AKAP6: variants seen among roughly 807,000 people sequenced by gnomAD.
AKAP6 encodes A-kinase anchor protein 6.
A neutral mutation model predicts 188.5 loss-of-function variants in AKAP6; 58 were observed. That is an observed-to-expected ratio of 0.31 (90% CI 0.25 to 0.38). AKAP6 has a LOEUF of 0.38. AKAP6 is among the 10% of genes least tolerant of loss of function. The pLI, the probability that AKAP6 is intolerant of heterozygous loss-of-function variation, is 1.00. For synonymous variants in AKAP6, 989 were observed against 998.6 expected, an observed-to-expected ratio of 0.99 and a Z score of 0.18; for missense variants, 2,710 against 2,740.0, an observed-to-expected ratio of 0.99 and a Z score of 0.24.
At chr14:32,548,107 T>C (rs913948219) in intron 4 of AKAP6, among the ~76,000 whole-genome samples, 2 of 110,662 alleles carry the variant, frequency 1.8e-5, no homozygotes, top group South Asian at 6.0e-4. Flanking sequence ...TTTTTTTTTT[T>C]TTTTTTTCCT....
rs2031248597 is a variant in AKAP6 at position 32,732,886 on chromosome 14, A to G, written c.3147+286A>G. 3 of 587,600 alleles carry G rather than the reference A, an allele frequency of 5.1e-6. No individual in the cohort carries two copies. In the African/African-American group the frequency reaches 5.6e-5, roughly 11 times the overall value. 36.4% of individuals were successfully genotyped at this position (587,600 alleles called of 1,614,324 possible). A position where few individuals can be genotyped will look rare whatever the true frequency, so the allele number is the denominator to read the frequency against. ...TGTATTATGGGTATGCACCAAGTCA[A>G]CTATAATACAGTATATCTGATATAT... On this transcript the variant is annotated intron_variant, in intron 10 of 13. Coordinates refer to ENST00000280979, the MANE Select transcript of AKAP6 (RefSeq NM_004274.5).
intron 8 of AKAP6, 116 bp from the exon 9 acceptor site, chr14:32,695,874 T>C (rs1271206937): frequency 7.8e-7 from 1 of 1,287,064 alleles, no homozygotes. Context: ...TTTTCTCTTC[T>C]CTTATTGTAG....
intron 2 of AKAP6, among the ~76,000 whole-genome samples, chr14:32,504,041 T>C (rs1160540327): frequency 6.6e-6 from 1 of 151,916 alleles, no homozygotes; most frequent in Non-Finnish European, 1.5e-5. Context: ...ATTTTGAGGA[T>C]ATGGAGTTTT....
In AKAP6 at chr14:32,506,036, G is replaced by A. The variant is rs544264963; in HGVS notation, c.325-29518G>A. Among the ~76,000 whole-genome samples the A allele has an allele frequency of 2.6e-5, 4 of 151,966 alleles. No homozygotes were observed. In the East Asian group the frequency reaches 5.8e-4, roughly 22 times the overall value. ...CATGGACCTGTAGTTCAAGCTACGC[G>A]GGAGGCTGAGGCAGGAGAATCACTT... On this transcript the variant is annotated intron_variant, in intron 2 of 13. Coordinates refer to ENST00000280979, the MANE Select transcript of AKAP6 (RefSeq NM_004274.5).
intron 1 of AKAP6, among the ~76,000 whole-genome samples, chr14:32,406,541 G>A (rs1330822717): frequency 1.3e-5 from 2 of 152,124 alleles, no homozygotes; most frequent in African/African-American, 4.8e-5. Context: ...ATTTTAAAAA[G>A]AGAGAGAATT....
chr14:32,594,961 A>G (rs1054339006), intron 5 of AKAP6, among the ~76,000 whole-genome samples: 10 of 152,284 alleles, frequency 6.6e-5, no homozygotes, highest in African/African-American at 2.4e-4. Flanking sequence ...ACAGCCAAAG[A>G]ACTAAATTCT....
chr14:32,677,876 G>A (rs558992862), intron 7 of AKAP6, among the ~76,000 whole-genome samples: 1 of 152,292 alleles, frequency 6.6e-6, no homozygotes, highest in South Asian at 2.1e-4. Context: ...ATTAACACTA[G>A]GCTTTTTTAT....
intron 2 of AKAP6, among the ~76,000 whole-genome samples, chr14:32,449,534 A>G (rs1305781816): frequency 6.6e-6 from 1 of 151,770 alleles, no homozygotes; most frequent in Admixed American, 6.6e-5. Flanking sequence ...AAAAAAAAAA[A>G]AAAAAAAGAA....
intron 2 of AKAP6, among the ~76,000 whole-genome samples, chr14:32,518,266 T>C (rs1271856912): frequency 6.6e-6 from 1 of 151,898 alleles, no homozygotes; most frequent in Admixed American, 6.5e-5. Context: ...AAGCTGAAAA[T>C]TCTAAAAATC....
chr14:32,499,750 A>G (rs1257238999), intron 2 of AKAP6, among the ~76,000 whole-genome samples: 3 of 151,720 alleles, frequency 2.0e-5, no homozygotes, highest in African/African-American at 4.8e-5. Context: ...TATTATTAAT[A>G]TATATTTTAC....
chr14:32,647,103 G>C (rs1888015492), intron 7 of AKAP6, among the ~76,000 whole-genome samples: 1 of 152,058 alleles, frequency 6.6e-6, no homozygotes, highest in Admixed American at 6.6e-5. Flanking sequence ...TAGTAATCTT[G>C]ACAAGTGCAT....
intron 9 of AKAP6, chr14:32,726,150 A>G (rs2030861765): frequency 2.0e-6 from 2 of 979,680 alleles, no homozygotes; most frequent in Non-Finnish European, 1.2e-6. Flanking sequence ...TTTACACACC[A>G]TAGACTTTTC....
chr14:32,766,640 T>C (rs1408445376), intron 11 of AKAP6, among the ~76,000 whole-genome samples: 1 of 152,190 alleles, frequency 6.6e-6, no homozygotes, highest in Non-Finnish European at 1.5e-5. Flanking sequence ...TTTGTATGTG[T>C]TTGCAGAAAT....
intron 4 of AKAP6, among the ~76,000 whole-genome samples, chr14:32,575,736 C>A (rs928537944): frequency 1.3e-5 from 2 of 152,010 alleles, no homozygotes; most frequent in Admixed American, 6.6e-5. Context: ...GAGAGATTTT[C>A]AATAGGAAAA....
chr14:32,749,559 A>G (rs1768709214), intron 11 of AKAP6, among the ~76,000 whole-genome samples: 1 of 152,168 alleles, frequency 6.6e-6, no homozygotes, highest in Non-Finnish European at 1.5e-5. Context: ...GGAAGTAAAA[A>G]GTCTTCCCAT....
intron 2 of AKAP6, among the ~76,000 whole-genome samples, chr14:32,470,615 G>T (rs1878723218): frequency 6.6e-6 from 1 of 152,130 alleles, no homozygotes. Flanking sequence ...TGCCAGCTCT[G>T]AAATTTTAGG....
At chr14:32,414,648 A>G (rs1384551768) in intron 1 of AKAP6, among the ~76,000 whole-genome samples, 3 of 152,156 alleles carry the variant, frequency 2.0e-5, no homozygotes, top group Non-Finnish European at 4.4e-5. Context: ...CTCTACTCGA[A>G]TGGGTATTTT....
At chr14:32,441,698 C>T (rs899413794) in intron 2 of AKAP6, among the ~76,000 whole-genome samples, 1 of 152,222 alleles carries the variant, frequency 6.6e-6, no homozygotes, top group Non-Finnish European at 1.5e-5. Context: ...TAGCCACATG[C>T]ACTAATGTAT....
intron 4 of AKAP6, among the ~76,000 whole-genome samples, chr14:32,551,706 T>G (rs1167589992): frequency 6.6e-6 from 1 of 151,948 alleles, no homozygotes; most frequent in African/African-American, 2.4e-5. Flanking sequence ...TCGCCCAGGC[T>G]GGAGTGCAGT....
Sources: gnomAD v4.1 joint callset for allele counts (sites outside exome capture counted in the v4.1 genomes callset) on GRCh38, gnomAD v4.1.1 for gene constraint, MANE v1.5 for transcripts, NCBI Gene and HGNC (gene_info 2026-07-23, HGNC 2026-07-21) for gene names.